The following STPG2 variants were observed in gnomAD, a reference collection of about 807,000 sequenced individuals.
STPG2 encodes sperm-tail PG-rich repeat-containing protein 2.
A neutral mutation model predicts 54.2 loss-of-function variants in STPG2; 56 were observed. The observed-to-expected ratio is 1.03, with a 90% CI of 0.83 to 1.29. The LOEUF is 1.29. STPG2 is among the 50% of genes most tolerant of loss of function. The probability of loss-of-function intolerance (pLI) is 0.00; values close to 1 mark genes in which losing one functional copy is unlikely to be tolerated. For synonymous variants in STPG2, 200 were observed against 181.8 expected, an observed-to-expected ratio of 1.10 and a Z score of -0.81; for missense variants, 596 against 544.9, an observed-to-expected ratio of 1.09 and a Z score of -0.93.
At chr4:97,853,664 C>T (rs1729240316) in intron 8 of STPG2, among the ~76,000 whole-genome samples, 1 of 152,160 alleles carries the variant, frequency 6.6e-6, no homozygotes. Context: ...TCATACGAAT[C>T]AAAAAGAGAT....
At chr4:97,624,963 G>C (rs1322526566) in intron 10 of STPG2, among the ~76,000 whole-genome samples, 2 of 152,080 alleles carry the variant, frequency 1.3e-5, no homozygotes, top group Non-Finnish European at 2.9e-5. Flanking sequence ...AATCCAACAG[G>C]ACTGGTGCCT....
At chr4:98,081,164 C>T (rs138995354) in intron 5 of STPG2, among the ~76,000 whole-genome samples, 29 of 152,252 alleles carry the variant, frequency 1.9e-4, no homozygotes, top group Admixed American at 5.9e-4. Context: ...TGGAGGCTAA[C>T]CAAGGGTGTT....
chr4:97,749,710 CA>C (rs1725526329), intron 9 of STPG2, among the ~76,000 whole-genome samples: 2 of 151,724 alleles, frequency 1.3e-5, no homozygotes, highest in Admixed American at 1.3e-4. Flanking sequence ...ACATGGAGAA[CA>C]AACTGTATGG....
chr4:97,889,817 C>T (rs1342824198), intron 8 of STPG2, among the ~76,000 whole-genome samples: 1 of 152,000 alleles, frequency 6.6e-6, no homozygotes, highest in Middle Eastern at 3.2e-3. Context: ...AAGAGAGTGA[C>T]ATACAATATT....
intron 7 of STPG2, among the ~76,000 whole-genome samples, chr4:97,969,270 T>C (rs557775681): frequency 1.3e-5 from 2 of 152,340 alleles, no homozygotes; most frequent in East Asian, 3.9e-4. Context: ...TTAAGGCTGT[T>C]AGGAATTGCT....
At chr4:97,799,941 A>G (rs1727327952) in intron 9 of STPG2, among the ~76,000 whole-genome samples, 1 of 152,018 alleles carries the variant, frequency 6.6e-6, no homozygotes, top group South Asian at 2.1e-4. Flanking sequence ...TTTATCTTCC[A>G]TCACTGATAC....
chr4:97,593,108 A>G (rs1366594145), intron 10 of STPG2, among the ~76,000 whole-genome samples: 1 of 152,060 alleles, frequency 6.6e-6, no homozygotes, highest in Non-Finnish European at 1.5e-5. Context: ...GGCCACACCT[A>G]TTGCAGTGCA....
intron 10 of STPG2, among the ~76,000 whole-genome samples, chr4:97,649,842 G>A (rs1722015630): frequency 6.6e-6 from 1 of 152,000 alleles, no homozygotes; most frequent in African/African-American, 2.4e-5. Flanking sequence ...CATGGTTTCA[G>A]GATGATTCGA....
chr4:97,477,676 G>A (rs145753160), intron 4 of STPG2, among the ~76,000 whole-genome samples: 2 of 150,056 alleles, frequency 1.3e-5, no homozygotes, highest in African/African-American at 4.9e-5. Flanking sequence ...ATTTTTAGTA[G>A]AGATGGGGTT....
At chr4:97,769,622 TA>T (rs1285009117) in intron 9 of STPG2, among the ~76,000 whole-genome samples, 1 of 151,996 alleles carries the variant, frequency 6.6e-6, no homozygotes, top group African/African-American at 2.4e-5. Context: ...AAAAAGTTAT[TA>T]AAAAAATCAT....
chr4:97,716,697 G>A (rs1453330448), intron 9 of STPG2, among the ~76,000 whole-genome samples: 1 of 151,366 alleles, frequency 6.6e-6, no homozygotes, highest in African/African-American at 2.4e-5. Context: ...TGGAGGCTGT[G>A]GGGGTGGGGG....
chr4:97,776,562 T>A (rs964208429), intron 9 of STPG2, among the ~76,000 whole-genome samples: 14 of 152,160 alleles, frequency 9.2e-5, no homozygotes, highest in Non-Finnish European at 1.9e-4. Context: ...GATGAATGGA[T>A]TAGGGAGAAC....
chr4:97,807,243 T>C (rs1444547992), intron 9 of STPG2, among the ~76,000 whole-genome samples: 1 of 151,602 alleles, frequency 6.6e-6, no homozygotes, highest in Non-Finnish European at 1.5e-5. Flanking sequence ...CTTTAATATG[T>C]TTATTTACTC....
intron 4 of STPG2, among the ~76,000 whole-genome samples, chr4:97,513,701 T>C (rs1358133392): frequency 6.6e-6 from 1 of 152,130 alleles, no homozygotes; most frequent in Non-Finnish European, 1.5e-5. Flanking sequence ...AACAATCCTA[T>C]GAAGTGGATA....
intron 8 of STPG2, among the ~76,000 whole-genome samples, chr4:97,918,746 A>G (rs757414867): frequency 5.3e-5 from 8 of 152,132 alleles, no homozygotes; most frequent in Non-Finnish European, 1.0e-4. Flanking sequence ...GTTCTCACTT[A>G]TAAGTAGGAG....
At chr4:97,928,009 A>C (rs917932922) in intron 8 of STPG2, among the ~76,000 whole-genome samples, 5 of 152,158 alleles carry the variant, frequency 3.3e-5, no homozygotes, top group Admixed American at 2.6e-4. Context: ...ACATACTCAA[A>C]ACCAAAACAT....
Position 98,109,248 on chromosome 4 carries a change from T to A in STPG2, c.445A>T (p.Arg149Ter), listed in dbSNP as rs1389632638. 5 of 1,611,726 alleles carry A rather than the reference T, an allele frequency of 3.1e-6. No homozygotes were observed. In the East Asian group the frequency reaches 1.1e-4, roughly 36 times the overall value. ...CCTGACTTTTTAGGTAACTCTTGTC[T>A]TCCTGAAGAGTTGCCAAAATGTATA... ...KGIHFGNSSG[R>*]QELPKKSGPG... is the part of the protein sequence containing the mutation. Residue 149 changes from arginine to a stop codon, truncating the protein, a stop_gained, in exon 4 of 11, where the codon AGA (arginine) becomes TGA (stop). Transcript: ENST00000295268. LOFTEE classifies it high-confidence loss of function.
chr4:97,663,508 T>C (rs1722432161), intron 10 of STPG2, among the ~76,000 whole-genome samples: 1 of 152,222 alleles, frequency 6.6e-6, no homozygotes, highest in Non-Finnish European at 1.5e-5. Context: ...TAAATTTTTC[T>C]TGCTTATAAG....
At chr4:98,100,091 A>G (rs1170187874) in intron 5 of STPG2, among the ~76,000 whole-genome samples, 8 of 152,136 alleles carry the variant, frequency 5.3e-5, no homozygotes, top group Non-Finnish European at 1.5e-5. Flanking sequence ...TACTCTTTAA[A>G]CTATTTTACT....
Sources: gnomAD v4.1 joint callset for allele counts (sites outside exome capture counted in the v4.1 genomes callset) on GRCh38, gnomAD v4.1.1 for gene constraint, MANE v1.5 for transcripts, NCBI Gene and HGNC (gene_info 2026-07-23, HGNC 2026-07-21) for gene names.